CRISPLD1: variants seen among roughly 807,000 people sequenced by gnomAD.
CRISPLD1 encodes the protein cysteine rich secretory protein LCCL domain containing 1.
A neutral mutation model predicts 77.5 loss-of-function variants in CRISPLD1; 60 were observed. That is an observed-to-expected ratio of 0.77 (90% confidence interval 0.63 to 0.96). The LOEUF is 0.96. CRISPLD1 is among the 40% of genes least tolerant of loss of function. CRISPLD1 has a pLI of 0.00. For missense variants in CRISPLD1, 623 were observed against 615.8 expected, an observed-to-expected ratio of 1.01 and a Z score of -0.12; for synonymous variants, 195 against 200.1, an observed-to-expected ratio of 0.97 and a Z score of 0.22.
chr8:75,018,664 A>AC (rs1408966292), intron 10 of CRISPLD1, among the ~76,000 whole-genome samples: 2 of 151,388 alleles, frequency 1.3e-5, no homozygotes, highest in East Asian at 3.9e-4. Context: ...CAAAAAAAAA[A>AC]TTTTTTTTAA....
chr8:74,999,775 CTT>C (rs112068678), intron 2 of CRISPLD1, among the ~76,000 whole-genome samples: 3 of 138,574 alleles, frequency 2.2e-5, no homozygotes, highest in Admixed American at 7.3e-5. Context: ...TTTTTCTTTT[CTT>C]TTTTTTTTTT....
rs1813389385 is a variant in CRISPLD1 at position 75,033,474 on chromosome 8, GAGAAACACATATTT to G, written c.*1242_*1255del. 3 of 151,854 alleles carry G rather than the reference GAGAAACACATATTT, an allele frequency of 2.0e-5. No individual in the cohort carries two copies. In the South Asian group the frequency reaches 6.2e-4, roughly 31 times the overall value. 9.4% of individuals were successfully genotyped at this position (151,854 alleles called of 1,614,324 possible). On this transcript the variant is annotated 3_prime_UTR_variant, in exon 15 of 15. Coordinates refer to ENST00000262207, the MANE Select transcript of CRISPLD1 (RefSeq NM_031461.6). ...ATTATTTAGGTATTTGTATGTGAAA[GAGAAACACATATTT>G]AGAAACACAGCAAGGGAGATTTTGA... is the stretch of plus-strand genomic sequence containing the variant.
At chr8:75,002,554 G>A (rs1397077818) in intron 2 of CRISPLD1, among the ~76,000 whole-genome samples, 1 of 151,870 alleles carries the variant, frequency 6.6e-6, no homozygotes, top group Non-Finnish European at 1.5e-5. Flanking sequence ...ATTAAGGCAA[G>A]CCATGGGGTG....
At chr8:75,018,837 C>T (rs141047259) in intron 10 of CRISPLD1, among the ~76,000 whole-genome samples, 2,018 of 152,228 alleles carry the variant, frequency 0.013, 18 homozygotes, top group Middle Eastern at 0.027. Context: ...AGTGATCCAC[C>T]AGCCTCAGCC....
chr8:75,019,315 A>G lies in CRISPLD1; in HGVS notation c.1128-555A>G, dbSNP rs1329544837. ...TTTGCAATAGATGTTATATAAACCTATTAAAATTTTGATGTATAATTATGT... is the reference window on the plus strand; with the variant it reads ...TTTGCAATAGATGTTATATAAACCTGTTAAAATTTTGATGTATAATTATGT... On this transcript the variant is annotated intron_variant, in intron 10 of 14. Coordinates refer to ENST00000262207, the MANE Select transcript of CRISPLD1 (RefSeq NM_031461.6). Among the ~76,000 whole-genome samples, 3 of 152,222 alleles carry G rather than the reference A, an allele frequency of 2.0e-5. No individual in the cohort carries two copies. In the East Asian group the frequency reaches 5.8e-4, roughly 29 times the overall value.
At chr8:74,995,531 G>T (rs1401090177) in intron 2 of CRISPLD1, among the ~76,000 whole-genome samples, 1 of 152,154 alleles carries the variant, frequency 6.6e-6, no homozygotes, top group East Asian at 1.9e-4. Flanking sequence ...ATGGAGTGCA[G>T]TGGCACGATC....
chr8:75,020,683 G>A (rs902903568), intron 12 of CRISPLD1, among the ~76,000 whole-genome samples: 1 of 152,160 alleles, frequency 6.6e-6, no homozygotes, highest in African/African-American at 2.4e-5. Context: ...TATGAACTTT[G>A]AAGGGACAAA....
At chr8:75,007,634 A>T (rs1169108185) in intron 2 of CRISPLD1, among the ~76,000 whole-genome samples, 7 of 134,794 alleles carry the variant, frequency 5.2e-5, no homozygotes, top group Non-Finnish European at 1.1e-4. Context: ...CAGTGGCGCG[A>T]TCTTGGGATT....
intron 2 of CRISPLD1, among the ~76,000 whole-genome samples, chr8:74,999,374 A>C (rs750740111): frequency 6.6e-6 from 1 of 152,214 alleles, no homozygotes; most frequent in Non-Finnish European, 1.5e-5. Context: ...CAGGATATTA[A>C]AGATAGAAAG....
In CRISPLD1 at chr8:74,993,451, T is replaced by C. The variant is rs191164208; in HGVS notation, c.258+7206T>C. Among the ~76,000 whole-genome samples, 144 of 152,360 alleles carry C rather than the reference T, an allele frequency of 9.5e-4. 3 individuals carry two copies. The East Asian group carries it at 0.023, about 24-fold the overall frequency. On this transcript the variant is annotated intron_variant, in intron 2 of 14. Coordinates refer to ENST00000262207, the MANE Select transcript of CRISPLD1 (RefSeq NM_031461.6). ...TTTAAAATAGCTTATTTAATTTTCCTAAGGTGTTTTTGCTTTAATAGTATT... is the reference window on the plus strand; with the variant it reads ...TTTAAAATAGCTTATTTAATTTTCCCAAGGTGTTTTTGCTTTAATAGTATT...
chr8:75,013,486 T>C (rs1563398599), intron 4 of CRISPLD1, among the ~76,000 whole-genome samples: 1 of 152,146 alleles, frequency 6.6e-6, no homozygotes, highest in East Asian at 1.9e-4. Flanking sequence ...TCAGACTTAT[T>C]ATCAGTGAAT....
chr8:75,018,818 C>G (rs1341533184), intron 10 of CRISPLD1, among the ~76,000 whole-genome samples: 1 of 152,158 alleles, frequency 6.6e-6, no homozygotes, highest in African/African-American at 2.4e-5. Flanking sequence ...TCTCAAACTC[C>G]TGACCTCAAG....
chr8:75,016,928 A>G lies in CRISPLD1; in HGVS notation c.916A>G (p.Thr306Ala), dbSNP rs755573537. Residue 306 changes from threonine to alanine, a missense_variant, in exon 8 of 15, where the codon ACA becomes GCA. By Grantham distance (58) the Thr-to-Ala change is moderately conservative. Coordinates refer to ENST00000262207, the MANE Select transcript of CRISPLD1 (RefSeq NM_031461.6). The part of the protein sequence containing the change: ...EVRLRDQCKG[T>A]TCNRYECPAG... ...AAGATTAAGAGATCAGTGCAAAGGAACAACCTGCAATAGGTAATATTTGTT... is the reference window on the plus strand; with the variant it reads ...AAGATTAAGAGATCAGTGCAAAGGAGCAACCTGCAATAGGTAATATTTGTT... 1.9e-6 allele frequency: 3 copies of G among 1,563,374 alleles called. No individual in the cohort carries two copies. The highest frequency in any genetic ancestry group is 2.7e-5 in the African/African-American group (2 of 73,030).
intron 2 of CRISPLD1, among the ~76,000 whole-genome samples, chr8:74,992,905 G>GTTTT (rs771210880): frequency 1.5e-4 from 17 of 115,222 alleles, no homozygotes; most frequent in African/African-American, 3.0e-4. Flanking sequence ...AGAAATTATG[G>GTTTT]TTTTTTTTTT....
chr8:74,986,362 T>G (rs1467802785), intron 2 of CRISPLD1, 117 bp downstream of exon 2: 1 of 1,066,920 alleles, frequency 9.4e-7, no homozygotes, highest in East Asian at 2.4e-5. Context: ...AAAGATTTTC[T>G]TTGAGGGTAT....
At position 75,029,461 on chromosome 8, in the gene CRISPLD1, T is replaced by A; in HGVS notation, c.1395T>A (p.Pro465=). The stretch of plus-strand genomic sequence containing the variant: ...ACGGTGGTTATGTTGATGTAATGCC[T>A]GTGGACAAAAGAAAGACCTACATTG... The part of the protein sequence containing the change: ...RNHGGYVDVM[P]VDKRKTYIAS... Residue 465 remains proline (P), a synonymous_variant, in exon 14 of 15, where the codon CCT becomes CCA. Coordinates refer to ENST00000262207, the MANE Select transcript of CRISPLD1 (RefSeq NM_031461.6). The A allele has an allele frequency of 6.2e-7, 1 of 1,613,866 alleles. No individual in the cohort carries two copies.
chr8:75,014,951 A>G (rs1245403926), intron 6 of CRISPLD1, 39 bp downstream of exon 6: 3 of 1,364,516 alleles, frequency 2.2e-6, no homozygotes, highest in Admixed American at 5.3e-5. Context: ...GTTGATTTAT[A>G]TTTTAATCCA....
At chr8:75,008,536 A>G (rs1812874582) in intron 2 of CRISPLD1, among the ~76,000 whole-genome samples, 1 of 152,170 alleles carries the variant, frequency 6.6e-6, no homozygotes, top group African/African-American at 2.4e-5. Context: ...CTTGATTTGT[A>G]TTATTGAACT....
chr8:75,006,432 A>G (rs527703431), intron 2 of CRISPLD1, among the ~76,000 whole-genome samples: 99 of 152,126 alleles, frequency 6.5e-4, no homozygotes, highest in Non-Finnish European at 1.1e-3. Context: ...GCTATTTTCC[A>G]GTTTTTTTGA....
Sources: gnomAD v4.1 joint callset for allele counts (sites outside exome capture counted in the v4.1 genomes callset) on GRCh38, gnomAD v4.1.1 for gene constraint, MANE v1.5 for transcripts, NCBI Gene and HGNC (gene_info 2026-07-23, HGNC 2026-07-21) for gene names.